STIM1: variants seen among roughly 807,000 people sequenced by gnomAD.
STIM1 encodes the protein stromal interaction molecule 1.
In STIM1, 25 loss-of-function variants were observed where a neutral mutation model predicts 74.7. The observed-to-expected ratio is 0.33, with a 90% CI of 0.24 to 0.47. STIM1 has a LOEUF of 0.47. Among genes scored for constraint, STIM1 ranks in the 20% least tolerant of loss-of-function variants. The pLI is 1.00. For synonymous variants in STIM1, 328 were observed against 348.8 expected, an observed-to-expected ratio of 0.94 and a Z score of 0.66; for missense variants, 728 against 920.8, an observed-to-expected ratio of 0.79 and a Z score of 2.71.
Position 3,919,269 on chromosome 11 carries a change from G to A in STIM1, c.140-48283G>A, listed in dbSNP as rs148799141. Among the ~76,000 whole-genome samples the A allele has an allele frequency of 9.4e-3, 1,432 of 152,168 alleles. 24 individuals carry two copies. The highest frequency in any genetic ancestry group is 0.033 in the African/African-American group (1,352 of 41,510). ...TGCCCAGGCTGGAGTGCAATGGTGCGATCTCGGCTTACTGCAACCTCTGCC... is the reference window on the plus strand; with the variant it reads ...TGCCCAGGCTGGAGTGCAATGGTGCAATCTCGGCTTACTGCAACCTCTGCC... On this transcript the variant is annotated intron_variant, in intron 1 of 12. Transcript: ENST00000526596.
intron 1 of STIM1, among the ~76,000 whole-genome samples, chr11:3,902,623 C>A (rs2092378754): frequency 6.6e-6 from 1 of 152,218 alleles, no homozygotes; most frequent in African/African-American, 2.4e-5. Context: ...TGCTCGCTTG[C>A]CTGCCGCTCA....
At chr11:3,867,666 C>T (rs764783165) in intron 1 of STIM1, among the ~76,000 whole-genome samples, 4 of 152,134 alleles carry the variant, frequency 2.6e-5, no homozygotes, top group African/African-American at 4.8e-5. Flanking sequence ...TCCTTCAAGA[C>T]GCTGGGGAGG....
chr11:3,947,027 A>G (rs1414327210), intron 1 of STIM1, among the ~76,000 whole-genome samples: 3 of 151,878 alleles, frequency 2.0e-5, no homozygotes, highest in Non-Finnish European at 2.9e-5. Context: ...CCTCATCTGT[A>G]AAACTAAGTA....
Position 4,070,042 on chromosome 11 carries a change from C to T in STIM1, c.630C>T (p.His210=), listed in dbSNP as rs199743104. ...FGPPLLTRHN[H]LKDFMLVVSI... is the part of the protein sequence containing the mutation. ...CTCTGGCAGTGACTCGCCATAATCACCTCAAGGACTTCATGCTGGTGGTGT... is the reference window on the plus strand; with the variant it reads ...CTCTGGCAGTGACTCGCCATAATCATCTCAAGGACTTCATGCTGGTGGTGT... Residue 210 remains histidine (H), a synonymous_variant, in exon 6 of 13, where the codon CAC becomes CAT. Transcript: ENST00000526596. The T allele has an allele frequency of 1.7e-5, 28 of 1,614,040 alleles. 1 individual carries two copies. The South Asian group carries it at 3.1e-4, about 18-fold the overall frequency.
chr11:3,958,932 CAA>C (rs775304770), intron 1 of STIM1, among the ~76,000 whole-genome samples: 81 of 143,904 alleles, frequency 5.6e-4, no homozygotes, highest in Non-Finnish European at 8.7e-4. Context: ...GCCTGGGCGA[CAA>C]GAGCAAAACT....
At chr11:4,036,031 A>G (rs897747671) in intron 3 of STIM1, among the ~76,000 whole-genome samples, 1 of 151,884 alleles carries the variant, frequency 6.6e-6, no homozygotes, top group African/African-American at 2.4e-5. Context: ...CTCCCCTGAC[A>G]ATGTATGTTG....
At chr11:3,909,417 T>C (rs535403967) in intron 1 of STIM1, among the ~76,000 whole-genome samples, 234 of 152,100 alleles carry the variant, frequency 1.5e-3, no homozygotes, top group Non-Finnish European at 2.7e-3. Flanking sequence ...GTGAGGGTCC[T>C]GGTGAAGTCC....
intron 2 of STIM1, among the ~76,000 whole-genome samples, chr11:4,005,152 A>T (rs2093764599): frequency 6.6e-6 from 1 of 152,218 alleles, no homozygotes; most frequent in Non-Finnish European, 1.5e-5. Flanking sequence ...AAACTAGTTC[A>T]ACCATTGTGG....
At chr11:3,999,275 T>G (rs1379765969) in intron 2 of STIM1, among the ~76,000 whole-genome samples, 2 of 152,192 alleles carry the variant, frequency 1.3e-5, no homozygotes, top group African/African-American at 2.4e-5. Flanking sequence ...GAGGCTGCAG[T>G]GAGCCATCTT....
At chr11:4,040,402 C>T (rs571549415) in intron 3 of STIM1, among the ~76,000 whole-genome samples, 1 of 152,080 alleles carries the variant, frequency 6.6e-6, no homozygotes, top group African/African-American at 2.4e-5. Context: ...TATGCTGTTT[C>T]CTCTATTCAT....
intron 1 of STIM1, among the ~76,000 whole-genome samples, chr11:3,895,825 T>TTTTC (rs775357531): frequency 4.0e-5 from 3 of 75,048 alleles, no homozygotes; most frequent in African/African-American, 9.7e-5. Flanking sequence ...TCCTTCTTTC[T>TTTTC]TTTCTTTCTT....
chr11:3,895,710 C>T (rs1339086418), intron 1 of STIM1, among the ~76,000 whole-genome samples: 4 of 29,526 alleles, frequency 1.4e-4, no homozygotes, highest in African/African-American at 2.1e-4. Flanking sequence ...TTCTTTCTTT[C>T]TTTCTTTCTT....
intron 7 of STIM1, among the ~76,000 whole-genome samples, chr11:4,079,117 C>A (rs992049212): frequency 1.3e-5 from 2 of 151,980 alleles, no homozygotes; most frequent in African/African-American, 4.8e-5. Context: ...CGGTGACACC[C>A]TGTCTCTACT....
chr11:3,933,796 G>T (rs10767723), intron 1 of STIM1, among the ~76,000 whole-genome samples: 53,998 of 151,978 alleles, frequency 0.36, 9,833 homozygotes, highest in South Asian at 0.49. Context: ...TCTAAATTTG[G>T]TGGGCTGCTT....
intron 1 of STIM1, among the ~76,000 whole-genome samples, chr11:3,865,899 G>A (rs757191965): frequency 1.6e-4 from 25 of 152,242 alleles, no homozygotes; most frequent in Non-Finnish European, 2.8e-4. Flanking sequence ...AAGACTTGAA[G>A]AGGGATGGCT....
chr11:3,878,566 G>C (rs1047859113), intron 1 of STIM1, among the ~76,000 whole-genome samples: 1 of 152,154 alleles, frequency 6.6e-6, no homozygotes, highest in East Asian at 1.9e-4. Context: ...TCATCTGGCA[G>C]TGTCAGTGCA....
intron 3 of STIM1, among the ~76,000 whole-genome samples, chr11:4,035,330 A>G (rs1438168224): frequency 6.6e-6 from 1 of 150,904 alleles, no homozygotes; most frequent in South Asian, 2.1e-4. Flanking sequence ...AAAAATACCT[A>G]GAGTGAAGAC....
chr11:4,070,983 G>A (rs768789218), intron 6 of STIM1, among the ~76,000 whole-genome samples: 2 of 152,208 alleles, frequency 1.3e-5, no homozygotes, highest in African/African-American at 2.4e-5. Context: ...CTTAGTTCCA[G>A]ACTCAGCTTA....
At chr11:4,039,758 G>A (rs904131166) in intron 3 of STIM1, among the ~76,000 whole-genome samples, 8 of 151,556 alleles carry the variant, frequency 5.3e-5, no homozygotes, top group Non-Finnish European at 7.4e-5. Context: ...AAAATCTGAT[G>A]ATATTTTATT....
Sources: allele counts gnomAD v4.1 joint callset (sites outside exome capture counted in the v4.1 genomes callset), GRCh38; gene constraint gnomAD v4.1.1; transcripts MANE v1.5; gene names NCBI Gene and HGNC (gene_info 2026-07-23, HGNC 2026-07-21).